Variants in PLXNA2 observed in about 807,000 individuals in gnomAD.
The protein encoded by PLXNA2 is plexin A2.
A neutral mutation model predicts 193.5 loss-of-function variants in PLXNA2; 91 were observed. That is an observed-to-expected ratio of 0.47 (90% CI 0.40 to 0.56). The LOEUF is 0.56. Among genes scored for constraint, PLXNA2 ranks in the 20% least tolerant of loss-of-function variants. The probability of loss-of-function intolerance (pLI) is 0.00; values close to 1 mark genes in which losing one functional copy is unlikely to be tolerated. For missense variants in PLXNA2, 1,995 were observed against 2,503.2 expected (o/e 0.80, Z 4.33); for synonymous variants, 997 against 1,027.3 (o/e 0.97, Z 0.56).
At chr1:208,239,917 G>A (rs1044589027) in intron 1 of PLXNA2, among the ~76,000 whole-genome samples, 6 of 152,200 alleles carry the variant, frequency 3.9e-5, no homozygotes, top group Non-Finnish European at 8.8e-5. Context: ...GCAGGACAGT[G>A]GAGACACAGC....
In PLXNA2 at chr1:208,022,313, C is replaced by T. The variant is rs1029094830; in HGVS notation, c.*4930G>A. 1.3e-5 allele frequency: 2 copies of T among 151,978 alleles called. No individual in the cohort carries two copies. The highest frequency in any genetic ancestry group is 4.9e-5 in the African/African-American group (2 of 41,166). The allele number at this position is 151,978 out of a possible 1,614,324, so 9.4% of individuals were successfully genotyped here. ...TATATAACAACAGTACAAATTGTGT[C>T]CTCAGCTTGCAAAATAGGAGTGTTT... On this transcript the variant is annotated 3_prime_UTR_variant, in exon 32 of 32. Transcript: ENST00000367033.
chr1:208,183,746 G>A (rs952939073), intron 3 of PLXNA2, among the ~76,000 whole-genome samples: 3 of 152,272 alleles, frequency 2.0e-5, no homozygotes, highest in Middle Eastern at 3.4e-3. Context: ...TTATTCTGGG[G>A]CAGATGAAAA....
chr1:208,067,170 C>T (rs192022918), intron 12 of PLXNA2, among the ~76,000 whole-genome samples: 162 of 152,038 alleles, frequency 1.1e-3, no homozygotes, highest in Middle Eastern at 6.8e-3. Context: ...CATGGGGAAA[C>T]GCTGTCTCTA....
chr1:208,044,675 A>G lies in PLXNA2; in HGVS notation c.3707T>C (p.Leu1236Pro). Residue 1236 changes from leucine (L) to proline (P), a missense_variant, in exon 20 of 32, where the codon CTG becomes CCG. By Grantham distance (98) the Leu-to-Pro change is moderately conservative (BLOSUM62 -3). This residue lies in a region of PLXNA2 where 1,291 missense variants were observed against 1,673.6 expected (regional missense o/e 0.77). Coordinates refer to ENST00000367033, the MANE Select transcript of PLXNA2 (RefSeq NM_025179.4). This position sits in a 1 kb window ranked among gnomAD's most constrained non-coding sequence, Gnocchi z 4.9. ...GGCCGCGATGCTGACGATGGCTGGC[A>G]GGGTCAGCAAGCTGTCTGAGATGAC... is the stretch of plus-strand genomic sequence containing the variant. ...VSVISDSLLT[L>P]PAIVSIAAGG... 1 of 1,614,190 alleles carries G rather than the reference A, an allele frequency of 6.2e-7. No homozygotes were observed. Among genetic ancestry groups the G allele is most frequent in the Non-Finnish European group, 8.5e-7 (1 of 1,180,040 alleles).
chr1:208,210,336 C>T lies in PLXNA2; in HGVS notation c.1315G>A (p.Val439Ile), dbSNP rs561320692. Residue 439 changes from valine to isoleucine, a missense_variant, in exon 3 of 32, where the codon GTT becomes ATT. Transcript: ENST00000367033. ...RDRMTSVASYVYNGYSVVFVG... is the reference protein window; with the variant it reads ...RDRMTSVASYIYNGYSVVFVG... ...AAAACCACGCTGTAGCCGTTGTAAA[C>T]GTAGGAGGCCACAGAGGTCATGCGG... is the stretch of plus-strand genomic sequence containing the variant. 1.3e-4 allele frequency: 207 copies of T among 1,613,968 alleles called. 1 individual carries two copies. The South Asian group carries it at 1.8e-3, about 14-fold the overall frequency.
intron 3 of PLXNA2, among the ~76,000 whole-genome samples, chr1:208,151,561 G>C (rs958843420): frequency 6.6e-6 from 1 of 152,154 alleles, no homozygotes; most frequent in African/African-American, 2.4e-5. Context: ...AAGGAAACTA[G>C]CACTTCCTGG....
chr1:208,178,126 T>C (rs1669718015), intron 3 of PLXNA2, among the ~76,000 whole-genome samples: 2 of 147,594 alleles, frequency 1.4e-5, no homozygotes, highest in African/African-American at 5.0e-5. Context: ...TTCCTCTTTA[T>C]CCTACCGAGA....
chr1:208,204,555 A>T (rs1201920928), intron 3 of PLXNA2, among the ~76,000 whole-genome samples: 1 of 152,160 alleles, frequency 6.6e-6, no homozygotes, highest in Admixed American at 6.5e-5. Flanking sequence ...TACCCAACAC[A>T]TCATACCTTC....
At chr1:208,185,696 C>CAAAAAAAAAAAAAAAAAAAAAAAAAA (rs56384277) in intron 3 of PLXNA2, among the ~76,000 whole-genome samples, 1 of 57,262 alleles carries the variant, frequency 1.7e-5, no homozygotes, top group Non-Finnish European at 3.0e-5. Context: ...TCTCTGAAAG[C>CAAAAAAAAAAAAAAAAAAAAAAAAAA]AAAAAAAAAA....
Position 208,025,134 on chromosome 1 carries a change from C to T in PLXNA2, c.*2109G>A, listed in dbSNP as rs1182963672. ...GAATTATAATGAAAACAGCAAGTTT[C>T]CTGAGTATTTTGCTGAATGCTTTTC... is the stretch of plus-strand genomic sequence containing the variant. On this transcript the variant is annotated 3_prime_UTR_variant, in exon 32 of 32. Transcript: ENST00000367033. 1 of 152,616 alleles carries T rather than the reference C, an allele frequency of 6.6e-6. No individual in the cohort carries two copies. Among genetic ancestry groups the T allele is most frequent in the Non-Finnish European group, 1.5e-5 (1 of 68,042 alleles). The allele number at this position is 152,616 out of a possible 1,614,324, so 9.5% of individuals were successfully genotyped here. A position where few individuals can be genotyped will look rare whatever the true frequency, so the allele number is the denominator to read the frequency against.
chr1:208,148,063 A>C (rs1274501704), intron 3 of PLXNA2, among the ~76,000 whole-genome samples: 1 of 152,190 alleles, frequency 6.6e-6, no homozygotes, highest in Non-Finnish European at 1.5e-5. Context: ...CTTTCCTTTA[A>C]ATCACAGCTA....
rs116017011 is a variant in PLXNA2, at chr1:208,107,176, T to C, written c.1507-3929A>G. ...AGCACCATTGGTGTCACGTGTGAGA[T>C]TACTGAACATGAAAATCCAGGGTGC... is the stretch of plus-strand genomic sequence containing the variant. On this transcript the variant is annotated intron_variant, in intron 4 of 31. Transcript: ENST00000367033. Among the ~76,000 whole-genome samples the C allele has an allele frequency of 3.2e-3, 493 of 152,300 alleles. 3 individuals carry two copies. Among genetic ancestry groups the C allele is most frequent in the African/African-American group, 0.011 (468 of 41,550 alleles).
At chr1:208,225,131 G>A (rs1355516016) in intron 1 of PLXNA2, among the ~76,000 whole-genome samples, 3 of 152,182 alleles carry the variant, frequency 2.0e-5, no homozygotes, top group Non-Finnish European at 1.5e-5. Context: ...TCTCTGCAGT[G>A]GTGAACAGAG....
At chr1:208,085,400 A>G (rs1666485181) in intron 9 of PLXNA2, among the ~76,000 whole-genome samples, 1 of 152,202 alleles carries the variant, frequency 6.6e-6, no homozygotes, top group Non-Finnish European at 1.5e-5. Flanking sequence ...GAATTCTCAT[A>G]GGAGGCTCCC....
At position 208,217,704 on chromosome 1, in the gene PLXNA2, C is replaced by T; in HGVS notation, c.219G>A (p.Leu73=). 2 of 1,614,184 alleles carry T rather than the reference C, an allele frequency of 1.2e-6. No homozygotes were observed. The highest frequency in any genetic ancestry group is 1.7e-6 in the Non-Finnish European group (2 of 1,180,034). ...YVGAINRVYK[L]TGNLTIQVAH... ...CCACCTGGATGGTCAGGTTGCCTGT[C>T]AGCTTATAGACCCGGTTGATGGCCC... Residue 73 remains leucine, a synonymous_variant, in exon 2 of 32, where the codon CTG becomes CTA. Coordinates refer to ENST00000367033, the MANE Select transcript of PLXNA2 (RefSeq NM_025179.4). This position sits in a 1 kb window ranked among gnomAD's most constrained non-coding sequence, Gnocchi z 4.7.
intron 3 of PLXNA2, among the ~76,000 whole-genome samples, chr1:208,159,923 G>A (rs1280866686): frequency 6.6e-6 from 1 of 152,188 alleles, no homozygotes; most frequent in East Asian, 1.9e-4. Flanking sequence ...TGGTTGAGGT[G>A]CCTGGCCCTG....
intron 28 of PLXNA2, chr1:208,032,291 G>A: frequency 4.3e-6 from 1 of 234,024 alleles, no homozygotes; most frequent in Non-Finnish European, 7.0e-6. Context: ...CAGGCAGAGT[G>A]CTGATCCACA....
At chr1:208,233,537 C>T (rs1463226923) in intron 1 of PLXNA2, among the ~76,000 whole-genome samples, 2 of 152,208 alleles carry the variant, frequency 1.3e-5, no homozygotes, top group Admixed American at 6.5e-5. Flanking sequence ...AGACCAGGTT[C>T]TCTGGATCCC....
chr1:208,059,503 G>A (rs1004086279), intron 13 of PLXNA2, among the ~76,000 whole-genome samples: 6 of 152,142 alleles, frequency 3.9e-5, no homozygotes, highest in East Asian at 1.9e-4. Context: ...CGAGAATCAC[G>A]GCCTGTAAGC....
Sources: gnomAD v4.1 joint callset for allele counts (sites outside exome capture counted in the v4.1 genomes callset) on GRCh38, gnomAD v4.1.1 for gene constraint, gnomAD v4.1.1 regional missense constraint, Gnocchi (gnomAD v3.1) non-coding constraint, MANE v1.5 for transcripts, NCBI Gene and HGNC (gene_info 2026-07-23, HGNC 2026-07-21) for gene names.